The following MIR2052HG variants were observed in gnomAD, a reference collection of about 807,000 sequenced individuals.
MIR2052HG encodes MIR2052 host gene.
At position 74,613,778 on chromosome 8, in the gene MIR2052HG, T is replaced by C. The variant is rs150952734; in HGVS notation, n.216+838T>C. On this transcript the variant is annotated intron_variant and non_coding_transcript_variant, in intron 2 of 6. Transcript: ENST00000523442. ...CTGAGATTACCGGCATAAGCTGCCA[T>C]GCCTGGCCTGCAGGGATTCAATTTT... is the stretch of plus-strand genomic sequence containing the variant. Among the ~76,000 whole-genome samples, 755 of 152,334 alleles carry C rather than the reference T, an allele frequency of 5.0e-3. 12 individuals are homozygous for C. The highest frequency in any genetic ancestry group is 0.017 in the African/African-American group (705 of 41,582).
chr8:74,629,639 A>G (rs760091594), intron 2 of MIR2052HG, among the ~76,000 whole-genome samples: 1 of 152,084 alleles, frequency 6.6e-6, no homozygotes, highest in Admixed American at 6.5e-5. Flanking sequence ...GGAGAAGGGG[A>G]GCTACTGGAA....
intron 2 of MIR2052HG, among the ~76,000 whole-genome samples, chr8:74,631,290 T>G (rs1808507907): frequency 6.6e-6 from 1 of 152,184 alleles, no homozygotes. Context: ...CTGCATCTTT[T>G]CCAACAACAA....
At chr8:74,679,521 CTAT>C (rs71565406) in intron 2 of MIR2052HG, among the ~76,000 whole-genome samples, 18,346 of 141,768 alleles carry the variant, frequency 0.13, 1,459 homozygotes, top group African/African-American at 0.22. Flanking sequence ...GGCTTGTTTA[CTAT>C]TATTATTATT....
chr8:74,752,459 CA>C (rs34841297), exon 5 of MIR2052HG: 122,268 of 451,846 alleles, frequency 0.27, 18,956 homozygotes, highest in East Asian at 0.64. Flanking sequence ...TCAGTCCAGC[CA>C]CCAGATCAAC....
chr8:74,638,324 A>C (rs1808604361), intron 2 of MIR2052HG, among the ~76,000 whole-genome samples: 2 of 152,188 alleles, frequency 1.3e-5, no homozygotes, highest in South Asian at 4.1e-4. Flanking sequence ...CAGTTGCAGA[A>C]GGCTTTGTAC....
At chr8:74,603,852 G>T in intron 1 of MIR2052HG, 1 of 900,098 alleles carries the variant, frequency 1.1e-6, no homozygotes, top group East Asian at 2.4e-5. Flanking sequence ...CTGCCATCTA[G>T]ACCTGAGCCC....
At chr8:74,684,722 A>G (rs1019128882) in intron 2 of MIR2052HG, among the ~76,000 whole-genome samples, 1 of 152,128 alleles carries the variant, frequency 6.6e-6, no homozygotes, top group Non-Finnish European at 1.5e-5. Context: ...AAGAACCATC[A>G]CTAAGGTGGT....
chr8:74,623,581 A>G (rs1169687675), intron 2 of MIR2052HG, among the ~76,000 whole-genome samples: 3 of 152,248 alleles, frequency 2.0e-5, no homozygotes, highest in Non-Finnish European at 2.9e-5. Flanking sequence ...AAGGTCTTTT[A>G]GGACTTTTTA....
At chr8:74,686,379 A>G (rs1206437718) in intron 2 of MIR2052HG, among the ~76,000 whole-genome samples, 1 of 152,028 alleles carries the variant, frequency 6.6e-6, no homozygotes, top group African/African-American at 2.4e-5. Flanking sequence ...TTATGAGTCA[A>G]AAGTCTTATT....
chr8:74,645,597 T>A (rs1186789635), intron 2 of MIR2052HG, among the ~76,000 whole-genome samples: 39 of 152,210 alleles, frequency 2.6e-4, no homozygotes, highest in Non-Finnish European at 7.3e-5. Context: ...GAAGATTAAA[T>A]CTGAGATCTG....
In MIR2052HG at chr8:74,709,582, G is replaced by A. The variant is rs181993783; in HGVS notation, n.371+5900G>A. On this transcript the variant is annotated intron_variant and non_coding_transcript_variant, in intron 4 of 6. Transcript: ENST00000523442. ...ACAGCTAAGAGTTGATTTCTTCATT[G>A]GGGCAATATCTTGGAATCTCTTAGA... is the stretch of plus-strand genomic sequence containing the variant. 3.3e-5 allele frequency among the ~76,000 whole-genome samples: 5 copies of A among 151,864 alleles called. No homozygotes were observed. The East Asian group carries it at 9.7e-4, about 29-fold the overall frequency.
intron 2 of MIR2052HG, among the ~76,000 whole-genome samples, chr8:74,667,158 G>C (rs1808938321): frequency 6.6e-6 from 1 of 152,164 alleles, no homozygotes; most frequent in African/African-American, 2.4e-5. Context: ...TGGTCAAAGG[G>C]GACAGGAGCT....
chr8:74,663,290 A>G (rs78577572), intron 2 of MIR2052HG, among the ~76,000 whole-genome samples: 4,755 of 152,278 alleles, frequency 0.031, 155 homozygotes, highest in African/African-American at 0.08. Context: ...GTTACACTGG[A>G]TAATAATTCT....
intron 1 of MIR2052HG, among the ~76,000 whole-genome samples, chr8:74,600,568 CA>C (rs369774569): frequency 0.16 from 18,703 of 119,028 alleles, 1,633 homozygotes; most frequent in Middle Eastern, 0.34. Flanking sequence ...AACTCCCTCT[CA>C]AAAAAAAAAA....
chr8:74,732,033 T>A (rs1307730311), intron 4 of MIR2052HG, among the ~76,000 whole-genome samples: 1 of 152,080 alleles, frequency 6.6e-6, no homozygotes, highest in Non-Finnish European at 1.5e-5. Context: ...AATTACATGG[T>A]TTAAAGAGGG....
chr8:74,627,609 C>T (rs991651320), intron 2 of MIR2052HG, among the ~76,000 whole-genome samples: 3 of 151,996 alleles, frequency 2.0e-5, no homozygotes, highest in African/African-American at 7.3e-5. Flanking sequence ...TGCCAAATTC[C>T]ACTTTGATGT....
intron 2 of MIR2052HG, among the ~76,000 whole-genome samples, chr8:74,614,374 A>G (rs909132621): frequency 6.6e-6 from 1 of 152,072 alleles, no homozygotes; most frequent in African/African-American, 2.4e-5. Context: ...CTGTTCTCTA[A>G]GACAGTGATT....
At chr8:74,673,841 A>G (rs1001943961) in intron 2 of MIR2052HG, among the ~76,000 whole-genome samples, 7 of 147,958 alleles carry the variant, frequency 4.7e-5, no homozygotes, top group Non-Finnish European at 8.9e-5. Context: ...TTTGATGCCA[A>G]TTTGGAGCTT....
intron 2 of MIR2052HG, among the ~76,000 whole-genome samples, chr8:74,637,166 G>T (rs1808590343): frequency 6.6e-6 from 1 of 152,024 alleles, no homozygotes; most frequent in African/African-American, 2.4e-5. Context: ...TATTAAACTG[G>T]GTCTAGGAAG....
Sources: allele counts gnomAD v4.1 joint callset (sites outside exome capture counted in the v4.1 genomes callset), GRCh38; gene constraint gnomAD v4.1.1; transcripts MANE v1.5; gene names NCBI Gene and HGNC (gene_info 2026-07-23, HGNC 2026-07-21).